The following ARHGAP35 variants were observed in gnomAD, a reference collection of about 807,000 sequenced individuals.
ARHGAP35 encodes rho GTPase-activating protein 35.
In ARHGAP35, 15 loss-of-function variants were observed where a neutral mutation model predicts 111.1. The observed-to-expected ratio is 0.13, with a 90% CI of 0.09 to 0.21. ARHGAP35 has a LOEUF of 0.21. Ranked by LOEUF, ARHGAP35 falls within the 10% of genes least tolerant of loss-of-function variation. The pLI is 1.00. For missense variants in ARHGAP35, 1,262 were observed against 1,873.0 expected (o/e 0.67, Z 6.02); for synonymous variants, 643 against 710.3 (o/e 0.91, Z 1.51).
In ARHGAP35 at chr19:47,000,787, G is replaced by A; in HGVS notation, c.*99G>A. On this transcript the variant is annotated 3_prime_UTR_variant, in exon 7 of 7. Coordinates refer to ENST00000672722, the MANE Select transcript of ARHGAP35 (RefSeq NM_004491.5). The surrounding 1 kb of genome is among the most constrained non-coding windows in gnomAD (Gnocchi z 6.9). ...AAGTCCACTGGGGACAGAGGCAGGG[G>A]CAAGTGGCTCTCCCCATTACCTTCT... 1 of 1,541,604 alleles carries A rather than the reference G, an allele frequency of 6.5e-7. No homozygotes were observed. Among genetic ancestry groups the A allele is most frequent in the Non-Finnish European group, 8.7e-7 (1 of 1,142,940 alleles).
chr19:46,976,482 A>T (rs2056580636), intron 3 of ARHGAP35, among the ~76,000 whole-genome samples: 1 of 152,242 alleles, frequency 6.6e-6, no homozygotes, highest in South Asian at 2.1e-4. Flanking sequence ...AAGGAGAAGT[A>T]GAGCTTGTTT....
chr19:46,952,733 G>C (rs1027187176), intron 3 of ARHGAP35, among the ~76,000 whole-genome samples: 4 of 152,310 alleles, frequency 2.6e-5, no homozygotes, highest in Admixed American at 1.3e-4. Flanking sequence ...GAGTGCAGTG[G>C]TGCGATCTCA....
intron 3 of ARHGAP35, among the ~76,000 whole-genome samples, chr19:46,968,418 A>T (rs920213053): frequency 6.6e-6 from 1 of 152,204 alleles, no homozygotes; most frequent in Admixed American, 6.5e-5. Context: ...GGCAAGGCTA[A>T]TGGGAAGCCT....
chr19:46,954,956 G>A (rs935252620), intron 3 of ARHGAP35, among the ~76,000 whole-genome samples: 3 of 152,312 alleles, frequency 2.0e-5, no homozygotes, highest in Admixed American at 6.5e-5. Flanking sequence ...TGGGCTATCT[G>A]TGGAGAGCAC....
At chr19:46,924,050 A>G (rs1046949925) in intron 2 of ARHGAP35, among the ~76,000 whole-genome samples, 1 of 152,220 alleles carries the variant, frequency 6.6e-6, no homozygotes, top group Non-Finnish European at 1.5e-5. Context: ...CCAGCAGATT[A>G]TGATATATAG....
chr19:46,880,303 A>G lies in ARHGAP35; in HGVS notation c.-189+19094A>G, dbSNP rs535920855. On this transcript the variant is annotated intron_variant, in intron 1 of 6. Transcript: ENST00000672722. ...CAAAATTTGCCGAGCATGGTGGTGC[A>G]TGCCTGTAATCCCAGCTACTCGGGA... Among the ~76,000 whole-genome samples, 24 of 151,728 alleles carry G rather than the reference A, an allele frequency of 1.6e-4. 1 individual carries two copies. In the South Asian group the frequency reaches 4.0e-3, roughly 25 times the overall value.
At chr19:46,964,418 C>A (rs978279027) in intron 3 of ARHGAP35, among the ~76,000 whole-genome samples, 1 of 151,724 alleles carries the variant, frequency 6.6e-6, no homozygotes, top group Non-Finnish European at 1.5e-5. Context: ...CCAAGCTTGG[C>A]AACTTTTTAA....
At chr19:46,870,939 C>A (rs1032048546) in intron 1 of ARHGAP35, among the ~76,000 whole-genome samples, 1 of 152,134 alleles carries the variant, frequency 6.6e-6, no homozygotes, top group Non-Finnish European at 1.5e-5. Context: ...GCCCCTTTTT[C>A]ATATGATGGG....
chr19:46,954,469 G>A (rs1452078096), intron 3 of ARHGAP35, among the ~76,000 whole-genome samples: 2 of 152,244 alleles, frequency 1.3e-5, no homozygotes, highest in East Asian at 3.8e-4. Flanking sequence ...ACAGGTGGAC[G>A]AAGACGTGGA....
rs1369696122 is a variant in ARHGAP35, at chr19:46,926,321, G to A, written c.3681+3965G>A. On this transcript the variant is annotated intron_variant, in intron 2 of 6. Coordinates refer to ENST00000672722, the MANE Select transcript of ARHGAP35 (RefSeq NM_004491.5). The surrounding 1 kb of genome is among the most constrained non-coding windows in gnomAD (Gnocchi z 4.1). The stretch of plus-strand genomic sequence containing the variant: ...CCCACCCTCATAGTGGGAGCCTTCC[G>A]CACTCAGCTGAATGAAATTGAAAAT... Among the ~76,000 whole-genome samples the A allele has an allele frequency of 4.6e-5, 7 of 152,134 alleles. No homozygotes were observed. Among genetic ancestry groups the A allele is most frequent in the Non-Finnish European group, 8.8e-5 (6 of 68,012 alleles).
intron 1 of ARHGAP35, among the ~76,000 whole-genome samples, chr19:46,894,548 C>A (rs984320642): frequency 1.3e-5 from 2 of 149,814 alleles, no homozygotes; most frequent in Non-Finnish European, 3.0e-5. Flanking sequence ...TGGGTTCAAG[C>A]GATTCTCCTG....
At chr19:46,978,533 G>A (rs1289428747) in intron 3 of ARHGAP35, among the ~76,000 whole-genome samples, 1 of 149,178 alleles carries the variant, frequency 6.7e-6, no homozygotes, top group East Asian at 2.0e-4. Flanking sequence ...TGTGTGTGTG[G>A]TGGGATGTGT....
Position 46,993,238 on chromosome 19 carries a change from C to T in ARHGAP35, c.4036+3563C>T, listed in dbSNP as rs905681617. ...GTTTACCACCTGGGGCGGGGAGAGC[C>T]GACGCCGGACGAGCCTGCGTGATCA... On this transcript the variant is annotated intron_variant, in intron 5 of 6. Transcript: ENST00000672722. This position sits in a 1 kb window ranked among gnomAD's most constrained non-coding sequence, Gnocchi z 4.6. Among the ~76,000 whole-genome samples, 4 of 152,212 alleles carry T rather than the reference C, an allele frequency of 2.6e-5. No individual in the cohort carries two copies. The highest frequency in any genetic ancestry group is 4.8e-5 in the African/African-American group (2 of 41,454).
intron 3 of ARHGAP35, among the ~76,000 whole-genome samples, chr19:46,978,797 TGGGATGTGTGTGTGTGGTAG>T: frequency 9.9e-6 from 1 of 101,112 alleles, no homozygotes; most frequent in Non-Finnish European, 1.9e-5. Flanking sequence ...GTGTGTGTGG[TGGGATGTGTGTGTGTGGTAG>T]GGGGTTTGTG....
chr19:46,940,768 A>T (rs1273780580), intron 3 of ARHGAP35, among the ~76,000 whole-genome samples: 1 of 151,920 alleles, frequency 6.6e-6, no homozygotes, highest in Non-Finnish European at 1.5e-5. Context: ...GCTTTGTTTT[A>T]GTTTTTTGGA....
In ARHGAP35 at chr19:47,000,148, G is replaced by C. The variant is rs1399283632; in HGVS notation, c.4143-183G>C. Among the ~76,000 whole-genome samples the C allele has an allele frequency of 2.0e-5, 3 of 152,174 alleles. No individual in the cohort carries two copies. The highest frequency in any genetic ancestry group is 6.5e-5 in the Admixed American group (1 of 15,278). On this transcript the variant is annotated intron_variant, in intron 6 of 6. Coordinates refer to ENST00000672722, the MANE Select transcript of ARHGAP35 (RefSeq NM_004491.5). The surrounding 1 kb of genome is among the most constrained non-coding windows in gnomAD (Gnocchi z 6.9). ...GGCCATGTAGAGGCACTGGGCTGGA[G>C]GGGAGAGGACACTGAGGGCGCAGCC...
At chr19:46,916,124 C>A (rs1370981170) in intron 1 of ARHGAP35, among the ~76,000 whole-genome samples, 1 of 151,838 alleles carries the variant, frequency 6.6e-6, no homozygotes, top group Non-Finnish European at 1.5e-5. Context: ...TCAGTGGAGA[C>A]GGGGTTTCAC....
Position 46,919,148 on chromosome 19 carries a change from A to G in ARHGAP35, c.473A>G (p.Asp158Gly). 1 of 1,613,914 alleles carries G rather than the reference A, an allele frequency of 6.2e-7. No homozygotes were observed. The highest frequency in any genetic ancestry group is 8.5e-7 in the Non-Finnish European group (1 of 1,179,894). ...KQMPDGKLLV[D>G]GFLLGIDVSR... Reference sequence around the variant, plus strand: ...ATGCCAGACGGAAAGCTGCTGGTTGATGGTTTTCTTCTTGGTATTGATGTT... The same window carrying G: ...ATGCCAGACGGAAAGCTGCTGGTTGGTGGTTTTCTTCTTGGTATTGATGTT... The change falls in exon 2 of 7, where the codon GAT (aspartate) becomes GGT (glycine). Residue 158 changes from aspartate (D) to glycine (G), a missense_variant. Coordinates refer to ENST00000672722, the MANE Select transcript of ARHGAP35 (RefSeq NM_004491.5). This position sits in a 1 kb window ranked among gnomAD's most constrained non-coding sequence, Gnocchi z 6.2.
chr19:46,952,382 G>T (rs1225142439), intron 3 of ARHGAP35, among the ~76,000 whole-genome samples: 1 of 152,128 alleles, frequency 6.6e-6, no homozygotes, highest in Non-Finnish European at 1.5e-5. Flanking sequence ...TGAAAAGTAA[G>T]CCCCATAACT....
Sources: gnomAD v4.1 joint callset for allele counts (sites outside exome capture counted in the v4.1 genomes callset) on GRCh38, gnomAD v4.1.1 for gene constraint, Gnocchi (gnomAD v3.1) non-coding constraint, MANE v1.5 for transcripts, NCBI Gene and HGNC (gene_info 2026-07-23, HGNC 2026-07-21) for gene names.